DIXDC1: variants seen among roughly 807,000 people sequenced by gnomAD.
DIXDC1 encodes dixin.
In DIXDC1, 64 loss-of-function variants were observed where a neutral mutation model predicts 103.1. That is an observed-to-expected ratio of 0.62 (90% CI 0.51 to 0.76). The LOEUF is 0.76. Among genes scored for constraint, DIXDC1 ranks in the 30% least tolerant of loss-of-function variants. The pLI is 0.00. For synonymous variants in DIXDC1, 266 were observed against 298.5 expected (o/e 0.89, Z 1.12); for missense variants, 759 against 834.2 (o/e 0.91, Z 1.11).
intron 1 of DIXDC1, among the ~76,000 whole-genome samples, chr11:111,942,275 G>A (rs899823562): frequency 3.3e-5 from 5 of 152,180 alleles, no homozygotes; most frequent in Non-Finnish European, 7.3e-5. Context: ...GGCATGTGGA[G>A]CAGTGATAGG....
rs535545 is a variant in DIXDC1, at chr11:112,017,086, T to C, written c.1862+290T>C. 0.036 allele frequency among the ~76,000 whole-genome samples: 5,525 copies of C among 152,112 alleles called. 344 individuals are homozygous for C. The highest frequency in any genetic ancestry group is 0.12 in the African/African-American group (5,178 of 41,430). On this transcript the variant is annotated intron_variant, in intron 18 of 19. Coordinates refer to ENST00000440460, the MANE Select transcript of DIXDC1 (RefSeq NM_001037954.4). The surrounding 1 kb of genome is among the most constrained non-coding windows in gnomAD (Gnocchi z 4.0). ...GCATTTGGGAAAATCTTTTTTTTTT[T>C]TTTTAAGTGTTCAAAATAGCTCCTG...
At position 112,019,028 on chromosome 11, in the gene DIXDC1, G is replaced by A; in HGVS notation, c.2044G>A (p.Glu682Lys). Residue 682 changes from glutamate to lysine, a missense_variant, in exon 20 of 20, where the codon GAG (glutamate) becomes AAG (lysine). Physicochemically the swap from Glu to Lys is moderately conservative, Grantham distance 56. Coordinates refer to ENST00000440460, the MANE Select transcript of DIXDC1 (RefSeq NM_001037954.4). ...AGCTTGGGTGGAAGAAGACCATGGA[G>A]AGAATTAATGCCAAGTATCAGATTG... ...IVAWVEEDHG[E>K]N 1.2e-6 allele frequency: 2 copies of A among 1,612,966 alleles called. No individual in the cohort carries two copies. The highest frequency in any genetic ancestry group is 1.3e-5 in the African/African-American group (1 of 75,034).
chr11:111,944,993 C>T (rs587728154), intron 1 of DIXDC1, among the ~76,000 whole-genome samples: 36 of 152,198 alleles, frequency 2.4e-4, no homozygotes, highest in South Asian at 4.2e-4. Context: ...AAAATTAGTT[C>T]GGTTACAAGT....
In DIXDC1 at chr11:111,977,114, C is replaced by A; in HGVS notation, c.656+2131C>A. ...CTGCCTATCCTGAGGCTCCCAATCT[C>A]CTCTCCTCGCATCCCCCAACCCCTC... On this transcript the variant is annotated intron_variant, in intron 5 of 19. Coordinates refer to ENST00000440460, the MANE Select transcript of DIXDC1 (RefSeq NM_001037954.4). The surrounding 1 kb of genome is among the most constrained non-coding windows in gnomAD (Gnocchi z 6.1). 7.2e-6 allele frequency: 2 copies of A among 275,984 alleles called. No individual in the cohort carries two copies. Among genetic ancestry groups the A allele is most frequent in the Non-Finnish European group, 1.1e-5 (2 of 180,980 alleles). 17.1% of individuals were successfully genotyped at this position (275,984 alleles called of 1,614,324 possible). A position where few individuals can be genotyped will look rare whatever the true frequency, so the allele number is the denominator to read the frequency against.
Position 112,021,576 on chromosome 11 carries a change from C to G in DIXDC1, c.*2540C>G, listed in dbSNP as rs1555178508. On this transcript the variant is annotated 3_prime_UTR_variant, in exon 20 of 20. Transcript: ENST00000440460. ...CTCTTTCTTTGAGAAAACTGAGGAA[C>G]CAGAATGCTTAGAGTTCATAAAATA... The G allele has an allele frequency of 6.6e-6, 1 of 152,128 alleles. No homozygotes were observed. The highest frequency in any genetic ancestry group is 6.5e-5 in the Admixed American group (1 of 15,272). 9.4% of individuals were successfully genotyped at this position (152,128 alleles called of 1,614,324 possible). A position where few individuals can be genotyped will look rare whatever the true frequency, so the allele number is the denominator to read the frequency against.
At chr11:111,968,158 G>T (rs1566500959) in intron 2 of DIXDC1, among the ~76,000 whole-genome samples, 1 of 152,162 alleles carries the variant, frequency 6.6e-6, no homozygotes, top group Non-Finnish European at 1.5e-5. Context: ...TGCCACTCCT[G>T]CAGATATAAA....
chr11:112,003,569 C>T (rs1462190559), intron 17 of DIXDC1, among the ~76,000 whole-genome samples: 1 of 152,070 alleles, frequency 6.6e-6, no homozygotes, highest in Non-Finnish European at 1.5e-5. Flanking sequence ...GAGGCCAAGG[C>T]AGGTGGATCA....
chr11:112,002,533 G>A (rs1239760331), intron 17 of DIXDC1, among the ~76,000 whole-genome samples: 1 of 152,182 alleles, frequency 6.6e-6, no homozygotes, highest in East Asian at 1.9e-4. Context: ...GCTCGTGCCT[G>A]TAATCCCAGC....
chr11:112,005,395 C>T (rs1043161659), intron 17 of DIXDC1, among the ~76,000 whole-genome samples: 35 of 151,902 alleles, frequency 2.3e-4, no homozygotes, highest in African/African-American at 8.0e-4. Flanking sequence ...CCAATAACAG[C>T]TTTGAAATAC....
chr11:111,941,837 TACACACACACACAC>T (rs10635444), intron 1 of DIXDC1, among the ~76,000 whole-genome samples: 5 of 139,188 alleles, frequency 3.6e-5, no homozygotes, highest in African/African-American at 7.9e-5. Context: ...CGAAACAAAA[TACACACACACACAC>T]ACACACACAC....
intron 10 of DIXDC1, among the ~76,000 whole-genome samples, chr11:111,991,511 C>T (rs79715161): frequency 0.014 from 2,137 of 152,210 alleles, 53 homozygotes; most frequent in African/African-American, 0.049. Flanking sequence ...GAGTCTGTAC[C>T]CTTTCTTTGC....
Position 111,985,405 on chromosome 11 carries a change from C to T in DIXDC1, c.1008+84C>T, listed in dbSNP as rs372796282. 1.9e-5 allele frequency: 20 copies of T among 1,067,310 alleles called. No homozygotes were observed. In the East Asian group the frequency reaches 2.3e-4, roughly 12 times the overall value. 66.1% of individuals were successfully genotyped at this position (1,067,310 alleles called of 1,614,324 possible). On this transcript the variant is annotated intron_variant, in intron 8 of 19. Transcript: ENST00000440460. ...CATTTGACACTGCTGTTCATGCCTT[C>T]TTGAAATGCTGTCTTCCTTGACCAG...
At chr11:111,970,142 G>A (rs1448281285) in intron 3 of DIXDC1, among the ~76,000 whole-genome samples, 10 of 152,108 alleles carry the variant, frequency 6.6e-5, no homozygotes, top group African/African-American at 1.2e-4. Flanking sequence ...TGCAACGTCC[G>A]CCTCCTAGGT....
intron 1 of DIXDC1, chr11:111,929,685 A>G: frequency 1.9e-6 from 1 of 534,072 alleles, no homozygotes; most frequent in Non-Finnish European, 3.3e-6. Context: ...CTAGGGTCCT[A>G]TTTCTGATAC....
At chr11:112,018,838 T>C (rs1861674453) in intron 19 of DIXDC1, 118 bp from the exon 20 acceptor site, 2 of 774,222 alleles carry the variant, frequency 2.6e-6, no homozygotes, top group East Asian at 2.7e-5. Flanking sequence ...CAAAAGGACA[T>C]AGACTCTTAA....
intron 1 of DIXDC1, among the ~76,000 whole-genome samples, chr11:111,962,888 C>A (rs1859626512): frequency 6.6e-6 from 1 of 152,178 alleles, no homozygotes; most frequent in African/African-American, 2.4e-5. Flanking sequence ...TCTGACTGCA[C>A]AATGGGAGCA....
intron 1 of DIXDC1, among the ~76,000 whole-genome samples, chr11:111,940,405 G>T (rs1555168699): frequency 6.6e-6 from 1 of 152,144 alleles, no homozygotes. Context: ...GCTTGGCCAG[G>T]CTTCCTATAG....
intron 7 of DIXDC1, 109 bp from the exon 8 acceptor site, chr11:111,985,123 T>G: frequency 2.4e-5 from 20 of 847,064 alleles, no homozygotes; most frequent in Non-Finnish European, 2.7e-5. Flanking sequence ...CGAAATGTCT[T>G]GAGGAGGCTG....
At chr11:112,007,179 A>G (rs1368538167) in intron 17 of DIXDC1, among the ~76,000 whole-genome samples, 1 of 152,226 alleles carries the variant, frequency 6.6e-6, no homozygotes, top group African/African-American at 2.4e-5. Context: ...TCAATAGCCA[A>G]TGCGATCAAG....
Sources: allele counts gnomAD v4.1 joint callset (sites outside exome capture counted in the v4.1 genomes callset), GRCh38; gene constraint gnomAD v4.1.1; non-coding constraint Gnocchi (gnomAD v3.1); transcripts MANE v1.5; gene names NCBI Gene and HGNC (gene_info 2026-07-23, HGNC 2026-07-21).